The following SLC13A1 variants were observed in gnomAD, a reference collection of about 807,000 sequenced individuals.
SLC13A1 encodes the protein solute carrier family 13 member 1, also known as Na(+)/sulfate cotransporter.
SLC13A1 carries 65 observed loss-of-function variants against 70.0 expected under a neutral mutation model. That is an observed-to-expected ratio of 0.93 (90% CI 0.76 to 1.14). The LOEUF is 1.14. Among genes scored for constraint, SLC13A1 ranks in the 50% most tolerant of loss-of-function variants. The probability of loss-of-function intolerance (pLI) is 0.00; values close to 1 mark genes in which losing one functional copy is unlikely to be tolerated. For synonymous variants in SLC13A1, 275 were observed against 250.5 expected (o/e 1.10, Z -0.92); for missense variants, 726 against 717.8 (o/e 1.01, Z -0.13).
intron 2 of SLC13A1, among the ~76,000 whole-genome samples, chr7:123,172,153 G>A (rs1795297327): frequency 6.6e-6 from 1 of 152,154 alleles, no homozygotes; most frequent in African/African-American, 2.4e-5. Context: ...AGTAACATCA[G>A]GTAAGTGCTT....
At chr7:123,165,493 G>A (rs1173718642) in intron 6 of SLC13A1, among the ~76,000 whole-genome samples, 2 of 152,100 alleles carry the variant, frequency 1.3e-5, no homozygotes, top group African/African-American at 4.8e-5. Flanking sequence ...GAGCAGTGGA[G>A]GCATCTCCTA....
intron 8 of SLC13A1, among the ~76,000 whole-genome samples, 166 bp from the exon 9 acceptor site, chr7:123,129,647 T>A (rs1012372377): frequency 2.8e-4 from 43 of 152,146 alleles, no homozygotes; most frequent in Admixed American, 4.6e-4. Context: ...CACCTCTACC[T>A]CCACCTCCTT....
chr7:123,150,879 T>C (rs979416205), intron 6 of SLC13A1, among the ~76,000 whole-genome samples: 4 of 152,120 alleles, frequency 2.6e-5, no homozygotes, highest in Non-Finnish European at 4.4e-5. Context: ...CTTTAAGCTG[T>C]CACAGGCCCT....
intron 2 of SLC13A1, among the ~76,000 whole-genome samples, chr7:123,179,626 G>T (rs1349471694): frequency 6.6e-6 from 1 of 152,070 alleles, no homozygotes; most frequent in East Asian, 1.9e-4. Context: ...CTCCTACAAA[G>T]CCAGCCCTTC....
chr7:123,154,732 T>C (rs536624600), intron 6 of SLC13A1, among the ~76,000 whole-genome samples: 1 of 152,264 alleles, frequency 6.6e-6, no homozygotes, highest in South Asian at 2.1e-4. Context: ...TTAAACATTC[T>C]CTCAGAACAA....
chr7:123,149,635 T>G (rs938438607), intron 6 of SLC13A1: 8 of 456,262 alleles, frequency 1.8e-5, no homozygotes, highest in African/African-American at 1.4e-4. Context: ...GGAAATGAAA[T>G]GCAAAAATAC....
chr7:123,187,714 A>G (rs530742401), intron 1 of SLC13A1, among the ~76,000 whole-genome samples: 5 of 152,302 alleles, frequency 3.3e-5, no homozygotes, highest in African/African-American at 1.2e-4. Context: ...TCAATATTTT[A>G]TGTACTTCAA....
At position 123,139,017 on chromosome 7, in the gene SLC13A1, C is replaced by T. The variant is rs920077881; in HGVS notation, c.813-4488G>A. 2.6e-5 allele frequency among the ~76,000 whole-genome samples: 4 copies of T among 152,062 alleles called. No homozygotes were observed. The South Asian group carries it at 8.3e-4, about 32-fold the overall frequency. ...AGACCTATGTAGTAGAGAGTTTAAC[C>T]GATGTTTTCTTGTAGTAGTTTCATA... On this transcript the variant is annotated intron_variant, in intron 7 of 14. Transcript: ENST00000194130.
intron 7 of SLC13A1, among the ~76,000 whole-genome samples, chr7:123,139,997 A>G: frequency 6.6e-6 from 1 of 152,104 alleles, no homozygotes; most frequent in East Asian, 1.9e-4. Context: ...TGCAGATCTT[A>G]GAGAAAAATC....
intron 7 of SLC13A1, among the ~76,000 whole-genome samples, chr7:123,139,268 G>T (rs544949081): frequency 6.6e-6 from 1 of 152,092 alleles, no homozygotes; most frequent in African/African-American, 2.4e-5. Context: ...TGTTCCATTG[G>T]TCTATGTGTC....
chr7:123,188,929 A>C (rs1016622348), intron 1 of SLC13A1, among the ~76,000 whole-genome samples: 14 of 151,306 alleles, frequency 9.3e-5, no homozygotes, highest in South Asian at 4.2e-4. Flanking sequence ...TCCCGGCTAA[A>C]ACGGTGAAAC....
At chr7:123,154,307 G>T (rs1794647869) in intron 6 of SLC13A1, among the ~76,000 whole-genome samples, 1 of 152,012 alleles carries the variant, frequency 6.6e-6, no homozygotes, top group African/African-American at 2.4e-5. Flanking sequence ...CATACATGTG[G>T]AGTATGCCTT....
rs995973201 is a variant in SLC13A1, at chr7:123,178,321, G to A, written c.228+2652C>T. Among the ~76,000 whole-genome samples the A allele has an allele frequency of 3.9e-5, 6 of 152,136 alleles. No homozygotes were observed. The East Asian group carries it at 7.7e-4, about 20-fold the overall frequency. ...ATGGCCAAAGAGAGAGGTGTTTAGG[G>A]CTCTAAACTTAGATGAGGGCATTAA... On this transcript the variant is annotated intron_variant, in intron 2 of 14. Transcript: ENST00000194130.
intron 1 of SLC13A1, among the ~76,000 whole-genome samples, chr7:123,193,961 C>A (rs986323579): frequency 6.6e-6 from 1 of 152,098 alleles, no homozygotes; most frequent in African/African-American, 2.4e-5. Context: ...CCTGCATTCT[C>A]TCCTTCCTAT....
intron 2 of SLC13A1, among the ~76,000 whole-genome samples, chr7:123,179,990 T>C (rs1419272721): frequency 3.3e-5 from 5 of 152,112 alleles, no homozygotes; most frequent in Admixed American, 6.6e-5. Flanking sequence ...TGAGATTCCA[T>C]GCGGCAGCAG....
At position 123,127,838 on chromosome 7, in the gene SLC13A1, A is replaced by ATTTTT. The variant is rs201644707; in HGVS notation, c.1133+1002_1133+1006dup. On this transcript the variant is annotated intron_variant, in intron 10 of 14. Transcript: ENST00000194130. The stretch of plus-strand genomic sequence containing the variant: ...ATTTTGGTTTCTACCCCAAAATACA[A>ATTTTT]TTTTTTTTTTTTTTTTTTTTTTTTT... 1.4e-4 allele frequency among the ~76,000 whole-genome samples: 15 copies of ATTTTT among 106,782 alleles called. 1 individual carries two copies. Among genetic ancestry groups the ATTTTT allele is most frequent in the African/African-American group, 6.0e-4 (15 of 25,190 alleles). 70.1% of individuals were successfully genotyped at this position (106,782 alleles called of 152,430 possible).
At chr7:123,151,366 ATG>A (rs558304741) in intron 6 of SLC13A1, among the ~76,000 whole-genome samples, 116 of 145,644 alleles carry the variant, frequency 8.0e-4, no homozygotes, top group Middle Eastern at 3.5e-3. Context: ...ATTTGAATAT[ATG>A]TGTGTGTGTG....
chr7:123,160,483 C>A (rs1007734695), intron 6 of SLC13A1, among the ~76,000 whole-genome samples: 6 of 151,944 alleles, frequency 3.9e-5, no homozygotes, highest in African/African-American at 1.2e-4. Flanking sequence ...AAATAGAATA[C>A]CTGCATGATA....
intron 6 of SLC13A1, among the ~76,000 whole-genome samples, chr7:123,158,656 C>G (rs566882940): frequency 9.2e-4 from 140 of 152,030 alleles, no homozygotes; most frequent in African/African-American, 2.9e-3. Flanking sequence ...CACACACACA[C>G]ACATATACAC....
Sources: gnomAD v4.1 joint callset for allele counts (sites outside exome capture counted in the v4.1 genomes callset) on GRCh38, gnomAD v4.1.1 for gene constraint, MANE v1.5 for transcripts, NCBI Gene and HGNC (gene_info 2026-07-23, HGNC 2026-07-21) for gene names.